XRCC1: variants seen among roughly 807,000 people sequenced by gnomAD.
The protein encoded by XRCC1 is DNA repair protein XRCC1.
In XRCC1, 52 loss-of-function variants were observed where a neutral mutation model predicts 83.3. The ratio of observed to expected loss-of-function variants is 0.62; its 90% confidence interval spans 0.50 to 0.79. XRCC1 has a LOEUF of 0.79. XRCC1 is among the 30% of genes least tolerant of loss of function. The pLI, the probability that XRCC1 is intolerant of heterozygous loss-of-function variation, is 0.00. For synonymous variants in XRCC1, 281 were observed against 312.6 expected (o/e 0.90, Z 1.07); for missense variants, 793 against 823.5 (o/e 0.96, Z 0.45).
At chr19:43,574,391 A>G (rs1421353388) in intron 2 of XRCC1, 1 of 152,252 alleles carries the variant, frequency 6.6e-6, no homozygotes, top group African/African-American at 2.4e-5. Context: ...TCTTTAAAAA[A>G]AATTATTTAT....
chr19:43,562,714 T>C (rs1972712815), intron 2 of XRCC1, among the ~76,000 whole-genome samples: 1 of 152,056 alleles, frequency 6.6e-6, no homozygotes, highest in African/African-American at 2.4e-5. Context: ...CACTGTACTC[T>C]GGGCGACAGA....
At chr19:43,551,528 C>T (rs772007618) in intron 10 of XRCC1, 43 bp downstream of exon 10, 2 of 1,545,934 alleles carry the variant, frequency 1.3e-6, no homozygotes, top group East Asian at 2.2e-5. Context: ...CCTGGCATTG[C>T]CCAGCACAGG....
chr19:43,552,150 C>T lies in XRCC1; in HGVS notation c.949G>A (p.Gly317Arg). The T allele has an allele frequency of 6.2e-7, 1 of 1,614,110 alleles. No individual in the cohort carries two copies. The highest frequency in any genetic ancestry group is 1.3e-5 in the African/African-American group (1 of 75,036). ...ACTACCACACCCTGAAGGATCTTCC[C>T]CAGCTCCTCTGGGCCAGCTCGGGGT... ...RRPRAGPEEL[G>R]KILQGVVVVL... is the part of the protein sequence containing the mutation. Residue 317 changes from glycine to arginine, a missense_variant, in exon 9 of 17, where the codon GGG becomes AGG. By Grantham distance (125) the Gly-to-Arg change is moderately radical (BLOSUM62 -2). Coordinates refer to ENST00000262887, the MANE Select transcript of XRCC1 (RefSeq NM_006297.3).
chr19:43,564,041 C>T (rs2854496), intron 2 of XRCC1, among the ~76,000 whole-genome samples: 24,471 of 152,122 alleles, frequency 0.16, 2,055 homozygotes, highest in Non-Finnish European at 0.19. Context: ...CCTTGTGCCT[C>T]AGTTTTCGAA....
intron 14 of XRCC1, among the ~76,000 whole-genome samples, 169 bp from the exon 15 acceptor site, chr19:43,544,403 GAGGT>G (rs1308396415): frequency 2.6e-5 from 4 of 152,296 alleles, no homozygotes; most frequent in African/African-American, 7.2e-5. Context: ...GCCTCCTGGG[GAGGT>G]AGGTTGGTTG....
chr19:43,553,751 T>C, intron 4 of XRCC1, 68 bp from the exon 5 acceptor site: 1 of 1,341,274 alleles, frequency 7.5e-7, no homozygotes, highest in South Asian at 1.5e-5. Flanking sequence ...AAGACCCTTT[T>C]CACTCAGGGA....
Position 43,552,105 on chromosome 19 carries a change from TCTGGAAGCCACTCAGCA to T in XRCC1, c.977_993del (p.Val326GlufsTer10), listed in dbSNP as rs753450563. 6.2e-7 allele frequency: 1 copy of T among 1,614,008 alleles called. No homozygotes were observed. The highest frequency in any genetic ancestry group is 2.2e-5 in the East Asian group (1 of 44,868). ...TCTCGCAGCTCGGAGCGGAAGGGGT[TCTGGAAGCCACTCAGCA>T]CCACTACCACACCCTGAAGGATCTT... is the stretch of plus-strand genomic sequence containing the variant. On this transcript the variant is annotated frameshift_variant, in exon 9 of 17. Coordinates refer to ENST00000262887, the MANE Select transcript of XRCC1 (RefSeq NM_006297.3). LOFTEE classifies it high-confidence loss of function.
At chr19:43,568,504 GTAA>G (rs1328072076) in intron 2 of XRCC1, among the ~76,000 whole-genome samples, 4 of 151,858 alleles carry the variant, frequency 2.6e-5, no homozygotes, top group Non-Finnish European at 5.9e-5. Flanking sequence ...CTCAAAGTAA[GTAA>G]GTAAGTAAGT....
intron 9 of XRCC1, 37 bp from the exon 10 acceptor site, chr19:43,551,724 T>C (rs376152409): frequency 2.6e-5 from 40 of 1,527,554 alleles, no homozygotes; most frequent in Non-Finnish European, 3.5e-5. Flanking sequence ...CAGTTAGGTG[T>C]GATCTGAGGG....
rs373356505 is a variant in XRCC1 at position 43,575,022 on chromosome 19, A to G, written c.52-20T>C. ...GTGAGTCTGGAAACAACAGTGGGAGAGGAGAATTAGGGCACAGAGATGACA... is the reference window on the plus strand; with the variant it reads ...GTGAGTCTGGAAACAACAGTGGGAGGGGAGAATTAGGGCACAGAGATGACA... On this transcript the variant is annotated intron_variant, in intron 1 of 16. Coordinates refer to ENST00000262887, the MANE Select transcript of XRCC1 (RefSeq NM_006297.3). 1.9e-6 allele frequency: 3 copies of G among 1,592,250 alleles called. No individual in the cohort carries two copies. Among genetic ancestry groups the G allele is most frequent in the Non-Finnish European group, 2.6e-6 (3 of 1,160,300 alleles).
chr19:43,543,709 G>A, intron 15 of XRCC1, 22 bp from the exon 16 acceptor site: 1 of 1,611,342 alleles, frequency 6.2e-7, no homozygotes. Context: ...GAAGAAAAGA[G>A]GTAGAAGGCA....
At chr19:43,561,195 T>C (rs967574795) in intron 2 of XRCC1, among the ~76,000 whole-genome samples, 175 bp from the exon 3 acceptor site, 2 of 152,156 alleles carry the variant, frequency 1.3e-5, no homozygotes, top group Admixed American at 6.5e-5. Context: ...GGGTATGGCA[T>C]GGAGCAGAAA....
intron 3 of XRCC1, 27 bp downstream of exon 3, chr19:43,560,883 T>C (rs748699015): frequency 6.4e-7 from 1 of 1,573,590 alleles, no homozygotes; most frequent in South Asian, 1.1e-5. Context: ...GAGGTCAGTA[T>C]GGGATCCATC....
intron 2 of XRCC1, among the ~76,000 whole-genome samples, chr19:43,573,624 G>T (rs1009163891): frequency 4.6e-5 from 7 of 152,082 alleles, no homozygotes; most frequent in African/African-American, 1.7e-4. Flanking sequence ...TGTCATCCGA[G>T]CACTTTGGGA....
chr19:43,548,766 CAA>C (rs60740505), intron 10 of XRCC1, among the ~76,000 whole-genome samples: 57 of 64,588 alleles, frequency 8.8e-4, no homozygotes, highest in African/African-American at 3.0e-3. Flanking sequence ...CAAGAATGAT[CAA>C]AAAAAAAAAA....
chr19:43,573,532 C>T (rs938296006), intron 2 of XRCC1, among the ~76,000 whole-genome samples: 4 of 152,062 alleles, frequency 2.6e-5, no homozygotes, highest in Non-Finnish European at 2.9e-5. Flanking sequence ...TTAATTTTTC[C>T]GTCACCCTAG....
intron 2 of XRCC1, among the ~76,000 whole-genome samples, chr19:43,562,757 C>T (rs1202715302): frequency 6.6e-6 from 1 of 152,092 alleles, no homozygotes; most frequent in African/African-American, 2.4e-5. Context: ...AAAAAACTTA[C>T]CCTCCCTCTG....
At chr19:43,561,308 A>C (rs1972696936) in intron 2 of XRCC1, among the ~76,000 whole-genome samples, 1 of 152,220 alleles carries the variant, frequency 6.6e-6, no homozygotes, top group African/African-American at 2.4e-5. Flanking sequence ...ACACACTGCC[A>C]TAGAGCTCTC....
chr19:43,545,251 T>A (rs188345254), intron 14 of XRCC1, among the ~76,000 whole-genome samples: 1 of 152,268 alleles, frequency 6.6e-6, no homozygotes, highest in Admixed American at 6.5e-5. Context: ...CCCTTCATTC[T>A]CGAAGAAGCT....
Sources: gnomAD v4.1 joint callset for allele counts (sites outside exome capture counted in the v4.1 genomes callset) on GRCh38, gnomAD v4.1.1 for gene constraint, MANE v1.5 for transcripts, NCBI Gene and HGNC (gene_info 2026-07-23, HGNC 2026-07-21) for gene names.